The following B4GALNT2 variants were observed in gnomAD, a reference collection of about 807,000 sequenced individuals.
B4GALNT2 encodes the protein N-acetylneuraminylgalactosylglucosyl-glucoside beta-1,4-N- acetylgalactosaminyltransferase 2.
In B4GALNT2, 42 loss-of-function variants were observed where a neutral mutation model predicts 51.1. The observed-to-expected ratio is 0.82, with a 90% CI of 0.64 to 1.06. The LOEUF is 1.06. Ranked by LOEUF, B4GALNT2 falls within the 50% of genes least tolerant of loss-of-function variation. The probability of loss-of-function intolerance (pLI) is 0.00; values close to 1 mark genes in which losing one functional copy is unlikely to be tolerated. For synonymous variants in B4GALNT2, 253 were observed against 251.7 expected, an observed-to-expected ratio of 1.01 and a Z score of -0.05; for missense variants, 602 against 633.6, an observed-to-expected ratio of 0.95 and a Z score of 0.54.
rs148596818 is a variant in B4GALNT2, at chr17:49,142,169, G to A, written c.350G>A (p.Arg117Lys). Residue 117 changes from arginine (R) to lysine (K), a missense_variant, in exon 3 of 11, where the codon AGG becomes AAG. Coordinates refer to ENST00000393354, the MANE Select transcript of B4GALNT2 (RefSeq NM_001159387.2). ...RRQAEFEHFQRREGLPRPLPL... is the reference protein window; with the variant it reads ...RRQAEFEHFQKREGLPRPLPL... ...CAGGCTGAATTTGAACACTTTCAGA[G>A]GAGGTAATGCGGGTCATGAAGGCCC... The A allele has an allele frequency of 3.6e-4, 581 of 1,614,098 alleles. 7 individuals are homozygous for A. The African/African-American group carries it at 6.9e-3, about 19-fold the overall frequency.
At chr17:49,156,405 G>T in intron 4 of B4GALNT2, among the ~76,000 whole-genome samples, 161 bp from the exon 5 acceptor site, 1 of 152,196 alleles carries the variant, frequency 6.6e-6, no homozygotes, top group South Asian at 2.1e-4. Context: ...ACTTAACAGA[G>T]CCCTGGGGAG....
the B4GALNT2 span, among the ~76,000 whole-genome samples, chr17:49,125,859 C>G: frequency 7.4e-6 from 1 of 135,240 alleles, no homozygotes; most frequent in African/African-American, 2.7e-5. Context: ...GCCAGCCACC[C>G]CGTCCGGGAG....
At chr17:49,129,624 T>TTTTTC (rs1555609283), upstream of B4GALNT2, among the ~76,000 whole-genome samples, 146 of 152,020 alleles carry the variant, frequency 9.6e-4, no homozygotes, top group Middle Eastern at 0.02. Flanking sequence ...GCCGATTTTT[T>TTTTTC]GGTCAGAAGC....
intron 2 of B4GALNT2, among the ~76,000 whole-genome samples, chr17:49,141,763 C>T (rs1468684417): frequency 6.6e-6 from 1 of 152,120 alleles, no homozygotes; most frequent in African/African-American, 2.4e-5. Context: ...CTGACAGTCA[C>T]GTGGCTCTCA....
chr17:49,147,455 A>G (rs899816660), intron 3 of B4GALNT2, among the ~76,000 whole-genome samples: 6 of 149,268 alleles, frequency 4.0e-5, no homozygotes, highest in South Asian at 2.1e-4. Flanking sequence ...ACCCACTGCA[A>G]CCTCCACTTT....
At chr17:49,147,891 T>G (rs1188145190) in intron 3 of B4GALNT2, among the ~76,000 whole-genome samples, 3 of 151,870 alleles carry the variant, frequency 2.0e-5, no homozygotes, top group Admixed American at 2.0e-4. Context: ...AAACATATAC[T>G]GTTGGTTTTT....
At chr17:49,126,647 T>C in the B4GALNT2 span, among the ~76,000 whole-genome samples, 13 of 135,162 alleles carry the variant, frequency 9.6e-5, no homozygotes, top group Admixed American at 8.4e-5. Flanking sequence ...TTTTTCTTTC[T>C]TTCTTTTTTT....
chr17:49,136,522 A>G (rs187618224), intron 1 of B4GALNT2, among the ~76,000 whole-genome samples: 924 of 77,238 alleles, frequency 0.012, 15 homozygotes, highest in African/African-American at 0.054. Flanking sequence ...ATTAGAGTTT[A>G]TTTATTTATT....
chr17:49,162,800 C>G (rs1222550031), intron 7 of B4GALNT2, among the ~76,000 whole-genome samples: 1 of 147,816 alleles, frequency 6.8e-6, no homozygotes, highest in Non-Finnish European at 1.5e-5. Flanking sequence ...GTAGTCCCTG[C>G]TACTTGGGAG....
rs758553259 is a variant in B4GALNT2 at position 49,164,096 on chromosome 17, C to T, written c.775C>T (p.Leu259Phe). The T allele has an allele frequency of 1.2e-6, 2 of 1,613,874 alleles. No homozygotes were observed. The highest frequency in any genetic ancestry group is 1.7e-6 in the Non-Finnish European group (2 of 1,179,828). ...KLYDPGPERK[L>F]RNLVTIATKT... is the part of the protein sequence containing the mutation. ...CACTGTTTTCTGCCCAGAGAGGAAG[C>T]TCAGAAACCTGGTTACCATTGCTAC... Residue 259 changes from leucine to phenylalanine, a missense_variant, in exon 8 of 11, where the codon CTC (leucine) becomes TTC (phenylalanine). Leu to Phe is a conservative substitution (Grantham distance 22). Coordinates refer to ENST00000393354, the MANE Select transcript of B4GALNT2 (RefSeq NM_001159387.2).
chr17:49,130,678 TGA>T (rs535007779), upstream of B4GALNT2, among the ~76,000 whole-genome samples: 4,689 of 152,262 alleles, frequency 0.031, 152 homozygotes, highest in Admixed American at 0.11. Flanking sequence ...TCTTTATGTA[TGA>T]ACACTTATTC....
chr17:49,127,340 A>G, the B4GALNT2 span, among the ~76,000 whole-genome samples: 25 of 152,328 alleles, frequency 1.6e-4, no homozygotes, highest in African/African-American at 4.6e-4. Context: ...CTCTATGCCA[A>G]ATTTTGACAC....
the B4GALNT2 span, among the ~76,000 whole-genome samples, chr17:49,125,419 C>G: frequency 1.3e-3 from 205 of 152,268 alleles, 4 homozygotes; most frequent in East Asian, 0.032. Flanking sequence ...CTTGGCCTCC[C>G]AAAGTGCTGG....
chr17:49,165,999 T>G, intron 8 of B4GALNT2, 115 bp from the exon 9 acceptor site: 1 of 1,232,242 alleles, frequency 8.1e-7, no homozygotes. Flanking sequence ...GCACCAATTC[T>G]AATGGAATTT....
intron 8 of B4GALNT2, among the ~76,000 whole-genome samples, chr17:49,164,835 A>C (rs974719814): frequency 6.6e-6 from 1 of 151,504 alleles, no homozygotes; most frequent in Non-Finnish European, 1.5e-5. Flanking sequence ...TTTGAGATGG[A>C]GTCTTGCTCT....
chr17:49,147,865 G>A (rs192940172), intron 3 of B4GALNT2, among the ~76,000 whole-genome samples: 78 of 151,448 alleles, frequency 5.2e-4, no homozygotes, highest in Admixed American at 3.3e-3. Context: ...GTGTGTGTGT[G>A]TATATATATC....
At position 49,164,195 on chromosome 17, in the gene B4GALNT2, G is replaced by A. The variant is rs747935309; in HGVS notation, c.874G>A (p.Val292Ile). ...TCGAGAGTATTACCCAGACTTGACC[G>A]TAATAGTGGCTGATGACAGCCAGAA... ...SIREYYPDLT[V>I]IVADDSQKPL... The change falls in exon 8 of 11, where the codon GTA becomes ATA. Residue 292 changes from valine to isoleucine, a missense_variant. Val to Ile is a conservative substitution (Grantham distance 29). Transcript: ENST00000393354. 3.0e-5 allele frequency: 48 copies of A among 1,613,738 alleles called. No individual in the cohort carries two copies. Among genetic ancestry groups the A allele is most frequent in the Middle Eastern group, 3.3e-4 (2 of 6,056 alleles).
At position 49,165,382 on chromosome 17, in the gene B4GALNT2, CTCTT is replaced by C. The variant is rs1029239622; in HGVS notation, c.955-728_955-725del. On this transcript the variant is annotated intron_variant, in intron 8 of 10. Coordinates refer to ENST00000393354, the MANE Select transcript of B4GALNT2 (RefSeq NM_001159387.2). ...CCCTACCTTTCTTCCTCTCCACTCT[CTCTT>C]TCTCTCTTCTTCCCACCCTCCCTCT... is the stretch of plus-strand genomic sequence containing the variant. Among the ~76,000 whole-genome samples the C allele has an allele frequency of 4.2e-5, 6 of 143,052 alleles. No individual in the cohort carries two copies. The South Asian group carries it at 9.6e-4, about 23-fold the overall frequency. The allele number at this position is 143,052 out of a possible 152,430, so 93.8% of individuals were successfully genotyped here. A position where few individuals can be genotyped will look rare whatever the true frequency, so the allele number is the denominator to read the frequency against.
chr17:49,169,777 A>G lies in B4GALNT2; in HGVS notation c.*49A>G, dbSNP rs941350853. ...ACTAGGCTGGCTGGTTATGGTATCT[A>G]TAGCAGGCCACCAAAAACTGGACTC... is the stretch of plus-strand genomic sequence containing the variant. On this transcript the variant is annotated 3_prime_UTR_variant, in exon 11 of 11. Coordinates refer to ENST00000393354, the MANE Select transcript of B4GALNT2 (RefSeq NM_001159387.2). 6 of 1,471,586 alleles carry G rather than the reference A, an allele frequency of 4.1e-6. No homozygotes were observed. The African/African-American group carries it at 5.6e-5, about 14-fold the overall frequency. The allele number at this position is 1,471,586 out of a possible 1,614,324, so 91.2% of individuals were successfully genotyped here.
Sources: allele counts gnomAD v4.1 joint callset (sites outside exome capture counted in the v4.1 genomes callset), GRCh38; gene constraint gnomAD v4.1.1; transcripts MANE v1.5; gene names NCBI Gene and HGNC (gene_info 2026-07-23, HGNC 2026-07-21).